HDAC9: variants seen among roughly 807,000 people sequenced by gnomAD.
The protein encoded by HDAC9 is histone deacetylase 9.
HDAC9 carries 41 observed loss-of-function variants against 139.4 expected under a neutral mutation model. The observed-to-expected ratio is 0.29, with a 90% confidence interval of 0.23 to 0.38. The LOEUF is 0.38. HDAC9 is among the 10% of genes least tolerant of loss of function. HDAC9 has a pLI of 1.00. For missense variants in HDAC9, 1,147 were observed against 1,297.0 expected (o/e 0.88, Z 1.78); for synonymous variants, 517 against 476.2 (o/e 1.09, Z -1.12).
intron 22 of HDAC9, among the ~76,000 whole-genome samples, chr7:18,924,885 A>G (rs950870958): frequency 1.3e-5 from 2 of 152,188 alleles, no homozygotes; most frequent in Non-Finnish European, 2.9e-5. Flanking sequence ...ATGGTCAATT[A>G]TAAGTGTTGC....
chr7:18,483,002 C>G (rs1476501295), intron 1 of HDAC9, among the ~76,000 whole-genome samples: 3 of 152,140 alleles, frequency 2.0e-5, no homozygotes, highest in Non-Finnish European at 2.9e-5. Context: ...TGAAGTGTGA[C>G]TTTTTCCACT....
chr7:18,858,577 T>G (rs569076738), intron 21 of HDAC9, among the ~76,000 whole-genome samples: 14 of 152,206 alleles, frequency 9.2e-5, no homozygotes, highest in Non-Finnish European at 1.6e-4. Flanking sequence ...GACACCAAAG[T>G]AACCAAATCA....
chr7:18,983,127 T>TATCA (rs1271134447), intron 25 of HDAC9, among the ~76,000 whole-genome samples: 6 of 152,210 alleles, frequency 3.9e-5, no homozygotes. Flanking sequence ...TTCCAGCCCC[T>TATCA]ATCAACCATC....
At chr7:18,353,155 T>C (rs1269409029) in intron 1 of HDAC9, among the ~76,000 whole-genome samples, 1 of 152,182 alleles carries the variant, frequency 6.6e-6, no homozygotes, top group African/African-American at 2.4e-5. Flanking sequence ...TGTGTTATGA[T>C]ACAGGCATAC....
At chr7:18,318,785 C>T (rs1024182620) in intron 1 of HDAC9, among the ~76,000 whole-genome samples, 2 of 152,156 alleles carry the variant, frequency 1.3e-5, no homozygotes, top group African/African-American at 2.4e-5. Context: ...CTCTTTTCCT[C>T]TGTTTCTTTA....
rs1783848074 is a variant in HDAC9, at chr7:18,362,356, T to A, written c.-42+71841T>A. Among the ~76,000 whole-genome samples, 6 of 152,206 alleles carry A rather than the reference T, an allele frequency of 3.9e-5. No individual in the cohort carries two copies. In the South Asian group the frequency reaches 1.2e-3, roughly 32 times the overall value. ...GAAAGTTATATTTTTCTATTATCTTTGTAGAAGAACTTTGGTTTTTAACAA... is the reference window on the plus strand; with the variant it reads ...GAAAGTTATATTTTTCTATTATCTTAGTAGAAGAACTTTGGTTTTTAACAA... On this transcript the variant is annotated intron_variant, in intron 1 of 3. Coordinates refer to the HDAC9 transcript ENST00000413509.
chr7:18,777,488 A>T (rs889701075), intron 16 of HDAC9, among the ~76,000 whole-genome samples: 3 of 151,996 alleles, frequency 2.0e-5, no homozygotes, highest in Non-Finnish European at 4.4e-5. Flanking sequence ...GTGTTGGTGC[A>T]TAGAATGGAC....
At chr7:18,458,779 C>T in intron 1 of HDAC9, 1 of 1,109,378 alleles carries the variant, frequency 9.0e-7, no homozygotes, top group Non-Finnish European at 1.3e-6. Flanking sequence ...GTGGCTCTTG[C>T]TTGTCACTCC....
At chr7:18,474,873 G>C (rs927762311) in intron 1 of HDAC9, among the ~76,000 whole-genome samples, 1 of 152,006 alleles carries the variant, frequency 6.6e-6, no homozygotes, top group Non-Finnish European at 1.5e-5. Context: ...GGAGCAAAAA[G>C]CAAGAAAGAA....
chr7:18,559,949 T>G (rs2128702704), intron 2 of HDAC9, among the ~76,000 whole-genome samples: 3 of 152,334 alleles, frequency 2.0e-5, no homozygotes, highest in Middle Eastern at 6.8e-3. Context: ...TTCCTATATT[T>G]GTTTTGATTA....
intron 1 of HDAC9, among the ~76,000 whole-genome samples, chr7:18,153,803 T>C (rs1786967935): frequency 6.6e-6 from 1 of 152,114 alleles, no homozygotes; most frequent in Admixed American, 6.6e-5. Flanking sequence ...GTACCTCACA[T>C]CTTTGGGCAA....
chr7:18,480,046 AT>A (rs1183426841), intron 1 of HDAC9, among the ~76,000 whole-genome samples: 17 of 49,578 alleles, frequency 3.4e-4, no homozygotes, highest in Middle Eastern at 0.014. Flanking sequence ...CCTCCTTTCT[AT>A]TTTTTTTTCC....
chr7:18,602,801 TTG>T (rs1294045439), intron 6 of HDAC9, among the ~76,000 whole-genome samples: 1 of 152,104 alleles, frequency 6.6e-6, no homozygotes, highest in Non-Finnish European at 1.5e-5. Flanking sequence ...TTGATTTCTA[TTG>T]TGGGCTGAGA....
chr7:18,308,195 A>C (rs1231464508), intron 1 of HDAC9, among the ~76,000 whole-genome samples: 1 of 152,220 alleles, frequency 6.6e-6, no homozygotes, highest in Non-Finnish European at 1.5e-5. Context: ...ACTTCATCCA[A>C]TTTACGAAGT....
rs147452709 is a variant in HDAC9 at position 18,323,765 on chromosome 7, A to G, written c.-42+33250A>G. On this transcript the variant is annotated intron_variant, in intron 1 of 3. Coordinates refer to the HDAC9 transcript ENST00000413509. Reference sequence around the variant, plus strand: ...ACAAATTGCTGGGGAATCTCAGGAAAAGTCAGGTGTCTTAGTCTGTTTGGG... The same window carrying G: ...ACAAATTGCTGGGGAATCTCAGGAAGAGTCAGGTGTCTTAGTCTGTTTGGG... Among the ~76,000 whole-genome samples, 575 of 152,202 alleles carry G rather than the reference A, an allele frequency of 3.8e-3. 1 individual carries two copies. Among genetic ancestry groups the G allele is most frequent in the Non-Finnish European group, 6.9e-3 (470 of 67,992 alleles).
intron 1 of HDAC9, among the ~76,000 whole-genome samples, chr7:18,334,882 C>A (rs767416792): frequency 1.3e-5 from 2 of 151,362 alleles, no homozygotes; most frequent in Non-Finnish European, 3.0e-5. Flanking sequence ...AGGTTAAGGG[C>A]TGAGTACATA....
chr7:18,290,883 G>A (rs1446969503), intron 1 of HDAC9, among the ~76,000 whole-genome samples: 1 of 152,144 alleles, frequency 6.6e-6, no homozygotes, highest in Non-Finnish European at 1.5e-5. Flanking sequence ...CTGAATGTCC[G>A]CCTAGATCCT....
At chr7:18,221,104 T>G (rs1208699471) in intron 2 of HDAC9, among the ~76,000 whole-genome samples, 1 of 150,486 alleles carries the variant, frequency 6.6e-6, no homozygotes, top group East Asian at 1.9e-4. Flanking sequence ...GCATTTCTAT[T>G]CCTTTTTTTT....
At chr7:18,458,865 T>C in intron 1 of HDAC9, 6 of 1,534,926 alleles carry the variant, frequency 3.9e-6, no homozygotes, top group South Asian at 1.2e-5. Flanking sequence ...CCTTGTACCA[T>C]GGGTGCTATT....
Sources: gnomAD v4.1 joint callset for allele counts (sites outside exome capture counted in the v4.1 genomes callset) on GRCh38, gnomAD v4.1.1 for gene constraint, MANE v1.5 for transcripts, NCBI Gene and HGNC (gene_info 2026-07-23, HGNC 2026-07-21) for gene names.